Variants in VRK2 observed in about 807,000 individuals in gnomAD.
VRK2 encodes the protein VRK serine/threonine kinase 2.
A neutral mutation model predicts 57.6 loss-of-function variants in VRK2; 60 were observed. The ratio of observed to expected loss-of-function variants is 1.04; its 90% CI spans 0.85 to 1.29. VRK2 has a LOEUF of 1.29. Ranked by LOEUF, VRK2 falls within the 50% of genes most tolerant of loss-of-function variation. The pLI is 0.00. For synonymous variants in VRK2, 231 were observed against 199.2 expected (o/e 1.16, Z -1.35); for missense variants, 705 against 588.1 (o/e 1.20, Z -2.06).
chr2:57,922,785 T>A (rs896972538), intron 1 of VRK2, among the ~76,000 whole-genome samples: 7 of 151,978 alleles, frequency 4.6e-5, no homozygotes, highest in Non-Finnish European at 8.8e-5. Flanking sequence ...TAATACATAA[T>A]AAATTATTGT....
intron 1 of VRK2, among the ~76,000 whole-genome samples, chr2:57,957,937 A>G (rs1035968125): frequency 2.6e-5 from 4 of 152,136 alleles, no homozygotes; most frequent in Non-Finnish European, 5.9e-5. Context: ...TGGAACAACG[A>G]AAGATTGAGG....
At chr2:58,086,992 G>A (rs921342187) in intron 5 of VRK2, among the ~76,000 whole-genome samples, 4 of 152,094 alleles carry the variant, frequency 2.6e-5, no homozygotes, top group African/African-American at 7.2e-5. Flanking sequence ...TCCTGAGAGA[G>A]GAGAATTCAG....
intron 12 of VRK2, among the ~76,000 whole-genome samples, chr2:58,153,127 G>A (rs1173200385): frequency 6.6e-6 from 1 of 151,958 alleles, no homozygotes; most frequent in African/African-American, 2.4e-5. Flanking sequence ...TTATCATTTT[G>A]AGTGTATCAT....
chr2:57,913,995 T>G (rs566629990), intron 1 of VRK2, among the ~76,000 whole-genome samples: 1 of 152,076 alleles, frequency 6.6e-6, no homozygotes, highest in African/African-American at 2.4e-5. Context: ...GTCTAATTCT[T>G]AAGTCAAACA....
intron 1 of VRK2, among the ~76,000 whole-genome samples, chr2:57,936,797 A>C (rs901559165): frequency 3.9e-5 from 6 of 152,038 alleles, no homozygotes; most frequent in African/African-American, 1.4e-4. Flanking sequence ...TTAAACTCTC[A>C]ATAAAAATTT....
At chr2:58,147,284 A>G (rs1406534348) in intron 12 of VRK2, 9 of 446,588 alleles carry the variant, frequency 2.0e-5, no homozygotes, top group Non-Finnish European at 3.6e-5. Flanking sequence ...ACAAGCCTGC[A>G]AGTTTATCCA....
intron 12 of VRK2, among the ~76,000 whole-genome samples, chr2:58,149,017 T>A (rs1169445801): frequency 1.3e-5 from 2 of 151,774 alleles, no homozygotes; most frequent in Non-Finnish European, 3.0e-5. Flanking sequence ...AGCTTGTTAG[T>A]TTCCACCAAA....
intron 7 of VRK2, among the ~76,000 whole-genome samples, chr2:58,096,431 A>G (rs1673137043): frequency 1.3e-5 from 2 of 151,840 alleles, no homozygotes; most frequent in African/African-American, 4.8e-5. Context: ...TTTTTCAGAA[A>G]TTGGTTCGAT....
chr2:58,012,478 T>A (rs1483455639), intron 1 of VRK2, among the ~76,000 whole-genome samples: 2 of 152,328 alleles, frequency 1.3e-5, no homozygotes, highest in Non-Finnish European at 2.9e-5. Context: ...AGGTTTTTTT[T>A]AAGGCTTTAT....
intron 1 of VRK2, among the ~76,000 whole-genome samples, chr2:57,998,068 CCT>C (rs1206525044): frequency 6.6e-6 from 1 of 152,014 alleles, no homozygotes; most frequent in Non-Finnish European, 1.5e-5. Flanking sequence ...CTACATATCA[CCT>C]CTGTTTTTAA....
chr2:58,033,576 T>C (rs557833955), intron 3 of VRK2: 1 of 152,158 alleles, frequency 6.6e-6, no homozygotes, highest in Non-Finnish European at 1.5e-5. Flanking sequence ...ATTTATATCA[T>C]ATAAGTCACT....
intron 1 of VRK2, among the ~76,000 whole-genome samples, chr2:57,943,964 G>C (rs1316718095): frequency 6.6e-6 from 1 of 152,156 alleles, no homozygotes; most frequent in African/African-American, 2.4e-5. Context: ...AATGAAATGG[G>C]TGTATCTGTG....
chr2:58,152,484 T>TA (rs1220939951), intron 12 of VRK2, among the ~76,000 whole-genome samples: 1 of 151,898 alleles, frequency 6.6e-6, no homozygotes, highest in Non-Finnish European at 1.5e-5. Flanking sequence ...TTTTTCATTT[T>TA]AAAAAAATTA....
intron 1 of VRK2, among the ~76,000 whole-genome samples, chr2:57,950,548 T>G (rs2678900): frequency 0.34 from 51,431 of 152,108 alleles, 10,072 homozygotes; most frequent in East Asian, 0.48. Flanking sequence ...TTACTGCTCG[T>G]TGACAATCCA....
intron 11 of VRK2, among the ~76,000 whole-genome samples, chr2:58,145,892 G>A (rs949459916): frequency 8.6e-5 from 13 of 151,974 alleles, no homozygotes; most frequent in South Asian, 2.1e-4. Flanking sequence ...CTGTCCTTGC[G>A]ATAGTTTGCT....
intron 8 of VRK2, among the ~76,000 whole-genome samples, chr2:58,128,443 T>G (rs761463062): frequency 1.3e-5 from 2 of 152,192 alleles, no homozygotes; most frequent in African/African-American, 4.8e-5. Flanking sequence ...GCAATTCTCC[T>G]GCCTCTGCCT....
intron 2 of VRK2, among the ~76,000 whole-genome samples, chr2:58,080,132 C>G (rs1431053992): frequency 6.6e-6 from 1 of 151,858 alleles, no homozygotes; most frequent in Non-Finnish European, 1.5e-5. Flanking sequence ...CAGAGGAAGA[C>G]AAGTAATAAA....
chr2:57,916,048 G>A (rs1039778071), intron 1 of VRK2, among the ~76,000 whole-genome samples: 1 of 152,118 alleles, frequency 6.6e-6, no homozygotes, highest in African/African-American at 2.4e-5. Flanking sequence ...AAAGGCTGGG[G>A]ACTGCTGCAC....
intron 1 of VRK2, among the ~76,000 whole-genome samples, chr2:57,970,241 A>G (rs1672054844): frequency 6.7e-6 from 1 of 150,082 alleles, no homozygotes; most frequent in Non-Finnish European, 1.5e-5. Flanking sequence ...TTCACATTCC[A>G]CTAAAAAAAG....
Sources: gnomAD v4.1 joint callset for allele counts (sites outside exome capture counted in the v4.1 genomes callset) on GRCh38, gnomAD v4.1.1 for gene constraint, MANE v1.5 for transcripts, NCBI Gene and HGNC (gene_info 2026-07-23, HGNC 2026-07-21) for gene names.